ASIC2: variants seen among roughly 807,000 people sequenced by gnomAD.
ASIC2 encodes the protein acid-sensing ion channel 2.
ASIC2 carries 25 observed loss-of-function variants against 57.3 expected under a neutral mutation model. That is an observed-to-expected ratio of 0.44 (90% CI 0.32 to 0.61). The LOEUF (loss-of-function observed/expected upper bound fraction) is 0.61. Among genes scored for constraint, ASIC2 ranks in the 20% least tolerant of loss-of-function variants. ASIC2 has a pLI of 0.06. For missense variants in ASIC2, 641 were observed against 738.1 expected (o/e 0.87, Z 1.52); for synonymous variants, 319 against 307.5 (o/e 1.04, Z -0.39).
intron 1 of ASIC2, among the ~76,000 whole-genome samples, chr17:34,109,718 T>C (rs1376758529): frequency 6.6e-6 from 1 of 152,180 alleles, no homozygotes; most frequent in African/African-American, 2.4e-5. Context: ...ATATTGGCCA[T>C]TAAGCCTTCC....
intron 1 of ASIC2, among the ~76,000 whole-genome samples, chr17:33,942,785 C>T (rs56096915): frequency 4.6e-5 from 7 of 151,916 alleles, no homozygotes; most frequent in Admixed American, 6.6e-5. Context: ...CTTCATCAGC[C>T]GAGCAATGAA....
chr17:33,302,565 T>C (rs762895035), intron 1 of ASIC2, among the ~76,000 whole-genome samples: 9 of 152,172 alleles, frequency 5.9e-5, no homozygotes, highest in Admixed American at 2.6e-4. Flanking sequence ...GCTGGCTGCA[T>C]TTCCTCCTAG....
chr17:33,291,916 T>C lies in ASIC2; in HGVS notation c.200A>G (p.His67Arg). Residue 67 changes from histidine to arginine, a missense_variant, in exon 1 of 10, where the codon CAC becomes CGC. His to Arg is a conservative substitution (Grantham distance 29). Around this residue, in one of 3 missense-constraint regions of ASIC2, gnomAD observed 382 missense variants for 398.0 expected, o/e 0.96. Transcript: ENST00000225823. Reference sequence around the variant, plus strand: ...CCCGGCACACATGTGCCGCAGCCCGTGCAGTTTAGCGCGGCTCAGCGATGG... The same window carrying C: ...CCCGGCACACATGTGCCGCAGCCCGCGCAGTTTAGCGCGGCTCAGCGATGG... ...GRPSLSRAKL[H>R]GLRHMCAGRT... The C allele has an allele frequency of 1.3e-6, 2 of 1,590,338 alleles. No individual in the cohort carries two copies. Among genetic ancestry groups the C allele is most frequent in the Non-Finnish European group, 1.7e-6 (2 of 1,174,226 alleles).
chr17:33,446,881 T>C (rs180769470), intron 1 of ASIC2, among the ~76,000 whole-genome samples: 1 of 152,352 alleles, frequency 6.6e-6, no homozygotes, highest in African/African-American at 2.4e-5. Flanking sequence ...TACCTCTTAG[T>C]ACCTCAGTTT....
intron 1 of ASIC2, among the ~76,000 whole-genome samples, chr17:33,733,666 T>C (rs1045230882): frequency 6.6e-6 from 1 of 152,210 alleles, no homozygotes; most frequent in African/African-American, 2.4e-5. Flanking sequence ...GCTAATTATC[T>C]TCCCTGCCTG....
chr17:34,116,023 C>G (rs2097765161), intron 1 of ASIC2, among the ~76,000 whole-genome samples: 1 of 152,164 alleles, frequency 6.6e-6, no homozygotes, highest in South Asian at 2.1e-4. Context: ...TGATACCCAA[C>G]ATGGAACAGC....
chr17:33,714,582 G>A (rs1276792363), intron 1 of ASIC2, among the ~76,000 whole-genome samples: 1 of 152,136 alleles, frequency 6.6e-6, no homozygotes, highest in African/African-American at 2.4e-5. Flanking sequence ...ACATGTATAT[G>A]TGGCAGTAAA....
At chr17:34,060,267 G>A (rs532126519) in intron 1 of ASIC2, among the ~76,000 whole-genome samples, 56 of 152,336 alleles carry the variant, frequency 3.7e-4, no homozygotes, top group African/African-American at 1.3e-3. Flanking sequence ...GTTCTGCTCA[G>A]AGGAAGCCAC....
intron 1 of ASIC2, among the ~76,000 whole-genome samples, chr17:33,684,688 T>C (rs12936969): frequency 0.042 from 6,389 of 152,278 alleles, 476 homozygotes; most frequent in African/African-American, 0.14. Context: ...TTTTTTAGAT[T>C]CTGGCTTTGA....
intron 1 of ASIC2, among the ~76,000 whole-genome samples, chr17:34,134,783 G>C (rs77547040): frequency 6.6e-6 from 1 of 152,178 alleles, no homozygotes; most frequent in Non-Finnish European, 1.5e-5. Context: ...CTCGTAGACA[G>C]ACATGCAGCC....
chr17:33,112,117 C>CG (rs1387002022), intron 1 of ASIC2, 50 bp from the exon 2 acceptor site: 1 of 1,551,788 alleles, frequency 6.4e-7, no homozygotes. Flanking sequence ...TAACTTCAGA[C>CG]GGGGGTCCAG....
At chr17:33,481,860 C>G (rs1185320435) in intron 1 of ASIC2, among the ~76,000 whole-genome samples, 1 of 152,208 alleles carries the variant, frequency 6.6e-6, no homozygotes, top group African/African-American at 2.4e-5. Flanking sequence ...GCCTCCATCC[C>G]CTGCCACTTG....
intron 3 of ASIC2, among the ~76,000 whole-genome samples, chr17:33,031,980 CTT>C (rs1260844388): frequency 6.6e-6 from 1 of 152,134 alleles, no homozygotes. Flanking sequence ...CTGTCAGAAT[CTT>C]TATATATTTA....
At chr17:33,617,874 C>T (rs760968913) in intron 1 of ASIC2, among the ~76,000 whole-genome samples, 6 of 152,044 alleles carry the variant, frequency 3.9e-5, no homozygotes, top group South Asian at 2.1e-4. Context: ...ATATTTGTCC[C>T]GATTGCTTCA....
chr17:34,105,521 TGGCAG>T, intron 1 of ASIC2, among the ~76,000 whole-genome samples: 1 of 151,034 alleles, frequency 6.6e-6, no homozygotes, highest in Non-Finnish European at 1.5e-5. Flanking sequence ...TGGTCTTTAT[TGGCAG>T]AAACTTAGAT....
intron 1 of ASIC2, chr17:33,529,739 A>T (rs1567640594): frequency 6.6e-6 from 1 of 152,276 alleles, no homozygotes; most frequent in Non-Finnish European, 1.5e-5. Flanking sequence ...GTCACTTCTC[A>T]ATAGACACAC....
chr17:33,367,209 T>G (rs1213631849), intron 1 of ASIC2, among the ~76,000 whole-genome samples: 1 of 152,178 alleles, frequency 6.6e-6, no homozygotes, highest in Non-Finnish European at 1.5e-5. Context: ...AGGAGATGGA[T>G]TGAGCTGGGA....
In ASIC2 at chr17:33,268,827, T is replaced by C. The variant is rs542858717; in HGVS notation, c.708+22581A>G. 3.6e-4 allele frequency among the ~76,000 whole-genome samples: 55 copies of C among 152,284 alleles called. 1 individual carries two copies. In the South Asian group the frequency reaches 0.011, roughly 29 times the overall value. ...AGAAAGTTTATGCCGCTTCACCTAG[T>C]TCACATCTACTAAATGACAGGACAG... On this transcript the variant is annotated intron_variant, in intron 1 of 9. Transcript: ENST00000225823.
At chr17:33,627,823 C>T (rs1380704025) in intron 1 of ASIC2, among the ~76,000 whole-genome samples, 1 of 152,160 alleles carries the variant, frequency 6.6e-6, no homozygotes, top group Non-Finnish European at 1.5e-5. Context: ...CTCTAATGGC[C>T]CTCATTCACT....
Sources: gnomAD v4.1 joint callset for allele counts (sites outside exome capture counted in the v4.1 genomes callset) on GRCh38, gnomAD v4.1.1 for gene constraint, gnomAD v4.1.1 regional missense constraint, MANE v1.5 for transcripts, NCBI Gene and HGNC (gene_info 2026-07-23, HGNC 2026-07-21) for gene names.